CNTN1: variants seen among roughly 807,000 people sequenced by gnomAD.
CNTN1 encodes contactin-1.
Under a neutral mutation model 126.4 loss-of-function variants are expected in CNTN1, and 38 were observed. That is an observed-to-expected ratio of 0.30 (90% CI 0.23 to 0.39). The LOEUF is 0.39. Ranked by LOEUF, CNTN1 falls within the 10% of genes least tolerant of loss-of-function variation. CNTN1 has a pLI of 1.00. For synonymous variants in CNTN1, 413 were observed against 422.6 expected, an observed-to-expected ratio of 0.98 and a Z score of 0.28; for missense variants, 1,009 against 1,248.4, an observed-to-expected ratio of 0.81 and a Z score of 2.89.
chr12:41,017,055 T>C, intron 19 of CNTN1, 139 bp downstream of exon 19: 1 of 712,640 alleles, frequency 1.4e-6, no homozygotes, highest in African/African-American at 1.8e-5. Flanking sequence ...GAGTACTATT[T>C]TGAACCAAAT....
At chr12:41,020,931 C>CT (rs1948892235) in intron 20 of CNTN1, among the ~76,000 whole-genome samples, 2 of 152,136 alleles carry the variant, frequency 1.3e-5, no homozygotes, top group Non-Finnish European at 2.9e-5. Flanking sequence ...TAAAACTTCC[C>CT]TTGAGCTTAA....
chr12:40,738,238 T>C (rs768363664), intron 1 of CNTN1, among the ~76,000 whole-genome samples: 6 of 152,046 alleles, frequency 3.9e-5, no homozygotes, highest in Non-Finnish European at 8.8e-5. Flanking sequence ...GAAACTTATA[T>C]TGATGTCATT....
chr12:40,851,372 C>T (rs909160584), intron 1 of CNTN1, among the ~76,000 whole-genome samples: 8 of 152,168 alleles, frequency 5.3e-5, no homozygotes, highest in South Asian at 2.1e-4. Context: ...CGTGCACACT[C>T]ACATGTGCAC....
chr12:41,069,675 G>A (rs573852786), intron 23 of CNTN1, among the ~76,000 whole-genome samples: 45 of 151,506 alleles, frequency 3.0e-4, no homozygotes, highest in Admixed American at 7.2e-4. Context: ...CTTCTGGTAG[G>A]AATTTGGGAC....
chr12:40,840,213 A>G (rs1377542567), intron 1 of CNTN1, among the ~76,000 whole-genome samples: 1 of 152,096 alleles, frequency 6.6e-6, no homozygotes, highest in Admixed American at 6.5e-5. Flanking sequence ...ATCAGGTAAA[A>G]TGGACTTTAA....
intron 1 of CNTN1, among the ~76,000 whole-genome samples, chr12:40,805,781 T>C (rs1940831842): frequency 6.6e-6 from 1 of 152,056 alleles, no homozygotes; most frequent in Non-Finnish European, 1.5e-5. Context: ...CTGAGGTCAA[T>C]GGTATTTATA....
At chr12:40,813,102 T>C (rs1941142270) in intron 1 of CNTN1, among the ~76,000 whole-genome samples, 2 of 134,544 alleles carry the variant, frequency 1.5e-5, no homozygotes, top group Admixed American at 7.9e-5. Flanking sequence ...TTTCTCTTTC[T>C]TTTTTTCTTT....
intron 1 of CNTN1, among the ~76,000 whole-genome samples, chr12:40,784,690 G>A (rs1416326181): frequency 6.6e-6 from 1 of 152,068 alleles, no homozygotes; most frequent in Non-Finnish European, 1.5e-5. Context: ...CAGAGAGCAG[G>A]ATCCCAAAGG....
chr12:40,714,260 A>G (rs11178013), intron 1 of CNTN1, among the ~76,000 whole-genome samples: 30,636 of 151,916 alleles, frequency 0.2, 3,206 homozygotes, highest in Middle Eastern at 0.27. Flanking sequence ...CAGTTTGGGC[A>G]CTTCATGAAG....
At chr12:40,784,907 C>T (rs1294175271) in intron 1 of CNTN1, among the ~76,000 whole-genome samples, 1 of 152,092 alleles carries the variant, frequency 6.6e-6, no homozygotes, top group Non-Finnish European at 1.5e-5. Context: ...CAAACCTCAA[C>T]TGATACTTTT....
intron 23 of CNTN1, among the ~76,000 whole-genome samples, chr12:41,045,317 T>G (rs1949517685): frequency 6.6e-6 from 1 of 152,116 alleles, no homozygotes; most frequent in Admixed American, 6.6e-5. Flanking sequence ...TTTGAAACAT[T>G]ATAGGCTGTG....
At chr12:41,027,802 G>A in intron 21 of CNTN1, 55 bp from the exon 22 acceptor site, 1 of 1,029,870 alleles carries the variant, frequency 9.7e-7, no homozygotes, top group Non-Finnish European at 1.5e-6. Flanking sequence ...AATAGAGTAT[G>A]CAGAATTGAG....
At chr12:40,998,896 G>A (rs1948285309) in intron 17 of CNTN1, among the ~76,000 whole-genome samples, 1 of 152,024 alleles carries the variant, frequency 6.6e-6, no homozygotes, top group South Asian at 2.1e-4. Context: ...AAAAATGACT[G>A]TATAAGTTAA....
At chr12:41,045,651 G>A (rs189096513) in intron 23 of CNTN1, among the ~76,000 whole-genome samples, 8 of 152,200 alleles carry the variant, frequency 5.3e-5, no homozygotes, top group Middle Eastern at 3.4e-3. Context: ...GGAGCATTTA[G>A]GTCTCAAAGT....
At chr12:40,819,530 C>T (rs996864628) in intron 1 of CNTN1, among the ~76,000 whole-genome samples, 1 of 152,182 alleles carries the variant, frequency 6.6e-6, no homozygotes, top group African/African-American at 2.4e-5. Flanking sequence ...GTCTTCCTGG[C>T]TCCAGCAAGG....
At chr12:40,714,539 A>G (rs1273569223) in intron 1 of CNTN1, among the ~76,000 whole-genome samples, 6 of 152,128 alleles carry the variant, frequency 3.9e-5, no homozygotes, top group African/African-American at 4.8e-5. Flanking sequence ...TCAATATTAT[A>G]TATTATTTGC....
intron 1 of CNTN1, among the ~76,000 whole-genome samples, chr12:40,772,832 T>TGG (rs1292184323): frequency 1.3e-5 from 2 of 151,924 alleles, no homozygotes; most frequent in Non-Finnish European, 2.9e-5. Context: ...TTCATTAGCA[T>TGG]GGGGACAGTG....
rs548499274 is a variant in CNTN1, at chr12:41,005,364, T to C, written c.2114-8864T>C. The stretch of plus-strand genomic sequence containing the variant: ...TTTCTCTCTAGCTGTCTTTAGCATT[T>C]TTTCTTTCATTTCAATCTTTAAAAA... On this transcript the variant is annotated intron_variant, in intron 17 of 23. Coordinates refer to ENST00000551295, the MANE Select transcript of CNTN1 (RefSeq NM_001843.4). Among the ~76,000 whole-genome samples, 31 of 152,314 alleles carry C rather than the reference T, an allele frequency of 2.0e-4. No homozygotes were observed. The East Asian group carries it at 4.6e-3, about 23-fold the overall frequency.
chr12:40,703,563 G>A (rs1941656124), intron 1 of CNTN1, among the ~76,000 whole-genome samples: 1 of 152,134 alleles, frequency 6.6e-6, no homozygotes, highest in African/African-American at 2.4e-5. Context: ...TCATCTGATT[G>A]TTTTCCAGGT....
Sources: allele counts gnomAD v4.1 joint callset (sites outside exome capture counted in the v4.1 genomes callset), GRCh38; gene constraint gnomAD v4.1.1; transcripts MANE v1.5; gene names NCBI Gene and HGNC (gene_info 2026-07-23, HGNC 2026-07-21).